The following RARA variants were observed in gnomAD, a reference collection of about 807,000 sequenced individuals.
RARA encodes retinoic acid receptor alpha.
Under a neutral mutation model 42.8 loss-of-function variants are expected in RARA, and 5 were observed. That is an observed-to-expected ratio of 0.12 (90% CI 0.06 to 0.25). The LOEUF is 0.25. Among genes scored for constraint, RARA ranks in the 10% least tolerant of loss-of-function variants. The pLI is 1.00. For missense variants in RARA, 402 were observed against 628.7 expected (o/e 0.64, Z 3.86); for synonymous variants, 256 against 259.5 (o/e 0.99, Z 0.13).
chr17:40,353,253 G>T (rs2034510894), intron 6 of RARA, among the ~76,000 whole-genome samples: 1 of 151,998 alleles, frequency 6.6e-6, no homozygotes. Context: ...CACTCGGTGA[G>T]GTGAGCCCGA....
chr17:40,331,993 G>A (rs2033706967), intron 2 of RARA, among the ~76,000 whole-genome samples: 1 of 152,234 alleles, frequency 6.6e-6, no homozygotes, highest in African/African-American at 2.4e-5. Flanking sequence ...CCCAGGAGGG[G>A]ACACTTGGCC....
intron 2 of RARA, among the ~76,000 whole-genome samples, chr17:40,338,942 C>T (rs1226640993): frequency 1.3e-5 from 2 of 152,088 alleles, no homozygotes; most frequent in African/African-American, 2.4e-5. Flanking sequence ...TGCTTGAATC[C>T]GGGAGGTGGA....
At chr17:40,343,035 TC>T in intron 2 of RARA, 3 of 1,341,938 alleles carry the variant, frequency 2.2e-6, no homozygotes, top group Non-Finnish European at 2.9e-6. Flanking sequence ...GGCCGCACCC[TC>T]CCCCCAGTAA....
chr17:40,355,159 C>T lies in RARA; in HGVS notation c.1013-104C>T, dbSNP rs560639564. ...CCTGCCCTGTGTGGGGAGGCGCCTG[C>T]GAGCTGCCCTCCTCCATGGCCTGGG... On this transcript the variant is annotated intron_variant, in intron 7 of 8. Transcript: ENST00000254066. This position sits in a 1 kb window ranked among gnomAD's most constrained non-coding sequence, Gnocchi z 4.1. 1.2e-4 allele frequency: 163 copies of T among 1,388,784 alleles called. No individual in the cohort carries two copies. The highest frequency in any genetic ancestry group is 1.5e-4 in the Non-Finnish European group (153 of 1,042,018). 86.0% of individuals were successfully genotyped at this position (1,388,784 alleles called of 1,614,324 possible). A position where few individuals can be genotyped will look rare whatever the true frequency, so the allele number is the denominator to read the frequency against.
Position 40,354,182 on chromosome 17 carries a change from C to G in RARA, c.808-120C>G. On this transcript the variant is annotated intron_variant, in intron 6 of 8. Coordinates refer to ENST00000254066, the MANE Select transcript of RARA (RefSeq NM_000964.4). The surrounding 1 kb of genome is among the most constrained non-coding windows in gnomAD (Gnocchi z 4.5). Reference sequence around the variant, plus strand: ...CATCATTGTAGAAAATTCTATCAGACAGCATTGCTCCGGCCACCTGCCAGG... The same window carrying G: ...CATCATTGTAGAAAATTCTATCAGAGAGCATTGCTCCGGCCACCTGCCAGG... The G allele has an allele frequency of 1.1e-6, 1 of 880,576 alleles. No individual in the cohort carries two copies. 54.5% of individuals were successfully genotyped at this position (880,576 alleles called of 1,614,324 possible).
intron 1 of RARA, among the ~76,000 whole-genome samples, chr17:40,329,003 A>C (rs1180271609): frequency 2.6e-5 from 4 of 152,186 alleles, no homozygotes; most frequent in African/African-American, 9.7e-5. Context: ...GTTTTCCAAA[A>C]CAGCTATTCT....
In RARA at chr17:40,320,837, A is replaced by G. The variant is rs1318211614; in HGVS notation, c.-362-10020A>G. On this transcript the variant is annotated intron_variant, in intron 1 of 8. Transcript: ENST00000254066. This position sits in a 1 kb window ranked among gnomAD's most constrained non-coding sequence, Gnocchi z 4.1. ...GATGGTAATCCTGTCCCTGCGACAA[A>G]TAAGCGGGGTAATCTCCGCTTGCTC... 6.6e-6 allele frequency among the ~76,000 whole-genome samples: 1 copy of G among 152,164 alleles called. No individual in the cohort carries two copies. The highest frequency in any genetic ancestry group is 2.4e-5 in the African/African-American group (1 of 41,430).
At chr17:40,341,950 C>G in intron 2 of RARA, 1 of 1,141,374 alleles carries the variant, frequency 8.8e-7, no homozygotes. Flanking sequence ...TTTCCCCCTT[C>G]CTGCTTCTCT....
Position 40,352,479 on chromosome 17 carries a change from T to C in RARA, c.779T>C (p.Leu260Pro). The change falls in exon 6 of 9, where the codon CTC (leucine) becomes CCC (proline). Residue 260 changes from leucine (L) to proline (P), a missense_variant. Coordinates refer to ENST00000254066, the MANE Select transcript of RARA (RefSeq NM_000964.4). The surrounding 1 kb of genome is among the most constrained non-coding windows in gnomAD (Gnocchi z 4.9). ...TTLTIADQIT[L>P]LKAACLDILI... ...CTCACCATCGCCGACCAGATCACCC[T>C]CCTCAAGGCTGCCTGCCTGGACATC... 1 of 1,611,316 alleles carries C rather than the reference T, an allele frequency of 6.2e-7. No homozygotes were observed. The highest frequency in any genetic ancestry group is 8.5e-7 in the Non-Finnish European group (1 of 1,178,484).
At chr17:40,346,516 C>G (rs113311355) in intron 2 of RARA, among the ~76,000 whole-genome samples, 1 of 151,710 alleles carries the variant, frequency 6.6e-6, no homozygotes, top group Non-Finnish European at 1.5e-5. Context: ...TTGATCTCCC[C>G]TCCCCCCACC....
rs932266587 is a variant in RARA at position 40,356,750 on chromosome 17, ATTTT to A, written c.*528_*531del. ...TCTCGCTGGTTTTGTTTTTATTTTA[ATTTT>A]TTTGTTTTGATTTTTTTAATAAGAA... On this transcript the variant is annotated 3_prime_UTR_variant, in exon 9 of 9. Transcript: ENST00000254066. 1.9e-6 allele frequency: 1 copy of A among 518,544 alleles called. No individual in the cohort carries two copies. Among genetic ancestry groups the A allele is most frequent in the African/African-American group, 2.0e-5 (1 of 50,780 alleles). The allele number at this position is 518,544 out of a possible 1,614,324, so 32.1% of individuals were successfully genotyped here.
chr17:40,341,504 T>C, intron 2 of RARA: 1 of 1,486,580 alleles, frequency 6.7e-7, no homozygotes, highest in Non-Finnish European at 9.0e-7. Context: ...GCCCTACGCC[T>C]CCTGCCGCCG....
chr17:40,356,109 C>A lies in RARA; in HGVS notation c.1272C>A (p.Ser424Arg). ...LENSEGLDTL[S>R]GQPGGGGRDG... ...ACTCAGAGGGCCTGGACACTCTGAGCGGACAGCCGGGGGGTGGGGGGCGGG... is the reference window on the plus strand; with the variant it reads ...ACTCAGAGGGCCTGGACACTCTGAGAGGACAGCCGGGGGGTGGGGGGCGGG... The change falls in exon 9 of 9, where the codon AGC becomes AGA. Residue 424 changes from serine to arginine, a missense_variant. Ser to Arg is a moderately radical substitution (Grantham distance 110). Around this residue, in one of 5 missense-constraint regions of RARA, gnomAD observed 73 missense variants for 59.8 expected, o/e 1.22. Coordinates refer to ENST00000254066, the MANE Select transcript of RARA (RefSeq NM_000964.4). The A allele has an allele frequency of 6.4e-7, 1 of 1,561,264 alleles. No homozygotes were observed. The highest frequency in any genetic ancestry group is 2.0e-5 in the Admixed American group (1 of 50,372).
intron 2 of RARA, among the ~76,000 whole-genome samples, chr17:40,334,107 C>T (rs1438321998): frequency 6.6e-6 from 1 of 152,214 alleles, no homozygotes; most frequent in African/African-American, 2.4e-5. Flanking sequence ...CCATCCTTGC[C>T]CATCCTGGCC....
chr17:40,321,837 A>G (rs1436163939), intron 1 of RARA, among the ~76,000 whole-genome samples: 1 of 152,080 alleles, frequency 6.6e-6, no homozygotes, highest in Non-Finnish European at 1.5e-5. Flanking sequence ...CCCCAACTGG[A>G]TATGCCTTTC....
intron 1 of RARA, among the ~76,000 whole-genome samples, chr17:40,329,387 A>G (rs1161031859): frequency 6.0e-5 from 9 of 149,568 alleles, no homozygotes; most frequent in African/African-American, 2.2e-4. Context: ...GCTCACTGCA[A>G]CCTCCACCTC....
At chr17:40,338,734 G>T (rs2033934339) in intron 2 of RARA, among the ~76,000 whole-genome samples, 1 of 151,294 alleles carries the variant, frequency 6.6e-6, no homozygotes, top group Admixed American at 6.6e-5. Context: ...AAAAGCGTGG[G>T]CACGGTGGCT....
intron 4 of RARA, chr17:40,350,272 A>G (rs1234142190): frequency 1.1e-5 from 3 of 278,242 alleles, no homozygotes; most frequent in Admixed American, 1.0e-4. Flanking sequence ...GCTCAGAGGC[A>G]TAGGCAGTCC....
At chr17:40,340,067 C>G (rs945091409) in intron 2 of RARA, among the ~76,000 whole-genome samples, 2 of 152,176 alleles carry the variant, frequency 1.3e-5, no homozygotes, top group Non-Finnish European at 2.9e-5. Context: ...TTCACTGATG[C>G]GTAAGTCACA....
Sources: gnomAD v4.1 joint callset for allele counts (sites outside exome capture counted in the v4.1 genomes callset) on GRCh38, gnomAD v4.1.1 for gene constraint, gnomAD v4.1.1 regional missense constraint, Gnocchi (gnomAD v3.1) non-coding constraint, MANE v1.5 for transcripts, NCBI Gene and HGNC (gene_info 2026-07-23, HGNC 2026-07-21) for gene names.